The following LRRC58 variants were observed in gnomAD, a reference collection of about 807,000 sequenced individuals.
LRRC58 encodes leucine rich repeat containing 58, also known as leucine-rich repeat-containing protein 58.
Under a neutral mutation model 30.6 loss-of-function variants are expected in LRRC58, and 18 were observed. The observed-to-expected ratio is 0.59, with a 90% CI of 0.41 to 0.87. The LOEUF is 0.87. LRRC58 is among the 40% of genes least tolerant of loss of function. The probability of loss-of-function intolerance (pLI) is 0.00; values close to 1 mark genes in which losing one functional copy is unlikely to be tolerated. For missense variants in LRRC58, 420 were observed against 468.4 expected (o/e 0.90, Z 0.95); for synonymous variants, 221 against 206.0 (o/e 1.07, Z -0.62).
chr3:120,342,686 C>G (rs1935919149), intron 1 of LRRC58, among the ~76,000 whole-genome samples: 1 of 152,244 alleles, frequency 6.6e-6, no homozygotes, highest in Non-Finnish European at 1.5e-5. Flanking sequence ...CTTCTTCACC[C>G]TTCACTTGTC....
chr3:120,331,603 G>A (rs1199066046), intron 3 of LRRC58, among the ~76,000 whole-genome samples, 195 bp from the exon 4 acceptor site: 1 of 152,210 alleles, frequency 6.6e-6, no homozygotes, highest in East Asian at 1.9e-4. Flanking sequence ...GGTGCAAAGA[G>A]GTAACCAGGA....
intron 1 of LRRC58, among the ~76,000 whole-genome samples, chr3:120,346,429 T>G (rs1162002848): frequency 6.6e-6 from 1 of 152,206 alleles, no homozygotes; most frequent in African/African-American, 2.4e-5. Flanking sequence ...CCTTGTAATC[T>G]TATGACTTAA....
At chr3:120,341,178 T>C (rs1935900266) in intron 1 of LRRC58, among the ~76,000 whole-genome samples, 1 of 152,196 alleles carries the variant, frequency 6.6e-6, no homozygotes, top group African/African-American at 2.4e-5. Flanking sequence ...TGGCATAAGT[T>C]ACTGCCCAGT....
chr3:120,331,080 C>T lies in LRRC58; in HGVS notation c.*120G>A, dbSNP rs1180595627. 1 of 816,816 alleles carries T rather than the reference C, an allele frequency of 1.2e-6. No individual in the cohort carries two copies. The highest frequency in any genetic ancestry group is 2.6e-5 in the East Asian group (1 of 38,240). The allele number at this position is 816,816 out of a possible 1,614,324, so 50.6% of individuals were successfully genotyped here. A position where few individuals can be genotyped will look rare whatever the true frequency, so the allele number is the denominator to read the frequency against. On this transcript the variant is annotated 3_prime_UTR_variant, in exon 4 of 4. Coordinates refer to ENST00000295628, the MANE Select transcript of LRRC58 (RefSeq NM_001099678.2). ...AAACACAAAATGTTTTATATCATCC[C>T]AGACTCTTTGATGAACACTTAAGAT... is the stretch of plus-strand genomic sequence containing the variant.
At chr3:120,338,552 C>G (rs534491250) in intron 1 of LRRC58, among the ~76,000 whole-genome samples, 1 of 152,342 alleles carries the variant, frequency 6.6e-6, no homozygotes, top group South Asian at 2.1e-4. Flanking sequence ...GGAAGTTACA[C>G]TCTAGAGAGG....
chr3:120,332,008 G>A (rs1194150145), intron 3 of LRRC58, among the ~76,000 whole-genome samples: 1 of 152,198 alleles, frequency 6.6e-6, no homozygotes, highest in Non-Finnish European at 1.5e-5. Context: ...CAGGTAAACT[G>A]AAAGTAATAT....
In LRRC58 at chr3:120,331,411, A is replaced by T; in HGVS notation, c.908-3T>A. On this transcript the variant is annotated splice_region_variant and splice_polypyrimidine_tract_variant and intron_variant, in intron 3 of 3. Transcript: ENST00000295628. ...GACACAGCAGTCAAAGTAGACTCCT[A>T]AAGAGAAGAAGGAATAGAAAGTAAT... 1 of 1,608,298 alleles carries T rather than the reference A, an allele frequency of 6.2e-7. No individual in the cohort carries two copies. Among genetic ancestry groups the T allele is most frequent in the Non-Finnish European group, 8.5e-7 (1 of 1,174,766 alleles).
chr3:120,331,825 A>G (rs1341604395), intron 3 of LRRC58, among the ~76,000 whole-genome samples: 4 of 152,226 alleles, frequency 2.6e-5, no homozygotes, highest in Admixed American at 2.6e-4. Context: ...AAGAATTAGT[A>G]TACGAAAAAT....
At chr3:120,333,954 T>C (rs1260327173) in intron 3 of LRRC58, among the ~76,000 whole-genome samples, 3 of 152,222 alleles carry the variant, frequency 2.0e-5, no homozygotes, top group South Asian at 4.1e-4. Context: ...TTTCCAGATC[T>C]AATTAAATAT....
Position 120,324,587 on chromosome 3 carries a change from T to C in LRRC58, c.*6613A>G, listed in dbSNP as rs1004122189. ...GCAAATATCAACATTATAGAGACTT[T>C]AATATAGAACTGGATTCCAACAAAA... On this transcript the variant is annotated 3_prime_UTR_variant, in exon 4 of 4. Transcript: ENST00000295628. 1 of 152,228 alleles carries C rather than the reference T, an allele frequency of 6.6e-6. No individual in the cohort carries two copies. The highest frequency in any genetic ancestry group is 2.1e-4 in the South Asian group (1 of 4,834). The allele number at this position is 152,228 out of a possible 1,614,324, so 9.4% of individuals were successfully genotyped here.
At position 120,326,903 on chromosome 3, in the gene LRRC58, T is replaced by G. The variant is rs1306797450; in HGVS notation, c.*4297A>C. 1 of 152,242 alleles carries G rather than the reference T, an allele frequency of 6.6e-6. No homozygotes were observed. The allele number at this position is 152,242 out of a possible 1,614,324, so 9.4% of individuals were successfully genotyped here. On this transcript the variant is annotated 3_prime_UTR_variant, in exon 4 of 4. Coordinates refer to ENST00000295628, the MANE Select transcript of LRRC58 (RefSeq NM_001099678.2). ...TTTATTTGCACTATTTGCTGTGTGT[T>G]TTTTCTTTTTTACATAGTGAAAAGG...
At chr3:120,348,391 T>G (rs543729824) in intron 1 of LRRC58, among the ~76,000 whole-genome samples, 1 of 152,176 alleles carries the variant, frequency 6.6e-6, no homozygotes, top group African/African-American at 2.4e-5. Flanking sequence ...CTTTGATCTA[T>G]AGAGATGGAA....
chr3:120,331,379 T>G lies in LRRC58; in HGVS notation c.937A>C (p.Ile313Leu). 1 of 1,613,852 alleles carries G rather than the reference T, an allele frequency of 6.2e-7. No homozygotes were observed. Among genetic ancestry groups the G allele is most frequent in the Non-Finnish European group, 8.5e-7 (1 of 1,179,792 alleles). The change falls in exon 4 of 4, where the codon ATT becomes CTT. Residue 313 changes from isoleucine to leucine, a missense_variant. Transcript: ENST00000295628. ...GVYFDCCVRQ[I>L]KFVDFCGKYR... ...TTCCCACAGAAGTCCACAAATTTAA[T>G]TTGTCTGACACAGCAGTCAAAGTAG...
intron 1 of LRRC58, among the ~76,000 whole-genome samples, chr3:120,347,085 C>T (rs11928731): frequency 0.12 from 18,010 of 152,190 alleles, 1,155 homozygotes; most frequent in African/African-American, 0.16. Context: ...TCAAGGCATT[C>T]TGTAGGTCTT....
intron 1 of LRRC58, among the ~76,000 whole-genome samples, chr3:120,341,227 TGAATA>T (rs1576183995): frequency 6.6e-6 from 1 of 152,210 alleles, no homozygotes; most frequent in Admixed American, 6.5e-5. Context: ...GACAGCTACT[TGAATA>T]GAATAGAACA....
In LRRC58 at chr3:120,348,972, C is replaced by T. The variant is rs1440556963; in HGVS notation, c.272G>A (p.Arg91His). 3 of 1,537,684 alleles carry T rather than the reference C, an allele frequency of 2.0e-6. No individual in the cohort carries two copies. The highest frequency in any genetic ancestry group is 1.4e-5 in the African/African-American group (1 of 71,860). The change falls in exon 1 of 4, where the codon CGC (arginine) becomes CAC (histidine). Residue 91 changes from arginine to histidine, a missense_variant. Transcript: ENST00000295628. ...CTTGGCCAGCAGCGTGCGCAGGCCGCGCAGAGCGAGCAGCTCCGGCCCGAG... is the reference window on the plus strand; with the variant it reads ...CTTGGCCAGCAGCGTGCGCAGGCCGTGCAGAGCGAGCAGCTCCGGCCCGAG... ...TALGPELLAL[R>H]GLRTLLAKNN...
chr3:120,343,127 G>A (rs192009298), intron 1 of LRRC58, among the ~76,000 whole-genome samples: 16 of 152,268 alleles, frequency 1.1e-4, no homozygotes, highest in East Asian at 9.6e-4. Context: ...AGGATCTGAC[G>A]TTCTAAAATA....
intron 3 of LRRC58, among the ~76,000 whole-genome samples, chr3:120,332,545 G>T (rs1300084879): frequency 6.6e-6 from 1 of 151,860 alleles, no homozygotes; most frequent in Non-Finnish European, 1.5e-5. Flanking sequence ...ACAGATGAAA[G>T]AAATAAAATA....
In LRRC58 at chr3:120,327,247, CTTTTTTTTTTTTTT is replaced by C. The variant is rs66631816; in HGVS notation, c.*3939_*3952del. On this transcript the variant is annotated 3_prime_UTR_variant, in exon 4 of 4. Coordinates refer to ENST00000295628, the MANE Select transcript of LRRC58 (RefSeq NM_001099678.2). The stretch of plus-strand genomic sequence containing the variant: ...CTAGCCCTGTGGCTTCTAAAGATTT[CTTTTTTTTTTTTTT>C]TTTTTTTTGAGACGGAGTCTCGCTC... 1.0e-5 allele frequency: 1 copy of C among 96,714 alleles called. No homozygotes were observed. Among genetic ancestry groups the C allele is most frequent in the Non-Finnish European group, 2.0e-5 (1 of 50,586 alleles). 6.0% of individuals were successfully genotyped at this position (96,714 alleles called of 1,614,324 possible).
Sources: gnomAD v4.1 joint callset for allele counts (sites outside exome capture counted in the v4.1 genomes callset) on GRCh38, gnomAD v4.1.1 for gene constraint, MANE v1.5 for transcripts, NCBI Gene and HGNC (gene_info 2026-07-23, HGNC 2026-07-21) for gene names.